NCS1: variants seen among roughly 807,000 people sequenced by gnomAD.
NCS1 encodes frequenin homolog.
Under a neutral mutation model 28.4 loss-of-function variants are expected in NCS1, and 6 were observed. That is an observed-to-expected ratio of 0.21 (90% CI 0.12 to 0.42). The LOEUF is 0.42. Ranked by LOEUF, NCS1 falls within the 10% of genes least tolerant of loss-of-function variation. The pLI is 1.00. For missense variants in NCS1, 131 were observed against 241.4 expected (o/e 0.54, Z 3.03); for synonymous variants, 86 against 99.3 (o/e 0.87, Z 0.79).
At position 130,215,729 on chromosome 9, in the gene NCS1, T is replaced by C. The variant is rs1049225171; in HGVS notation, c.90-2103T>C. ...GCTATTATGGGCTGTTACAAAGGCCTGTGGTTCCTGAGCCAGGACCTACCT... is the reference window on the plus strand; with the variant it reads ...GCTATTATGGGCTGTTACAAAGGCCCGTGGTTCCTGAGCCAGGACCTACCT... On this transcript the variant is annotated intron_variant, in intron 2 of 7. Transcript: ENST00000372398. This position sits in a 1 kb window ranked among gnomAD's most constrained non-coding sequence, Gnocchi z 4.2. Among the ~76,000 whole-genome samples the C allele has an allele frequency of 2.6e-5, 4 of 152,146 alleles. No individual in the cohort carries two copies. The highest frequency in any genetic ancestry group is 9.7e-5 in the African/African-American group (4 of 41,424).
intron 7 of NCS1, among the ~76,000 whole-genome samples, chr9:130,227,584 T>G (rs1034931697): frequency 6.6e-6 from 1 of 152,226 alleles, no homozygotes; most frequent in South Asian, 2.1e-4. Context: ...TCTTTTCAAA[T>G]TTTAGCCATT....
chr9:130,231,195 A>G (rs1554912066), intron 7 of NCS1, among the ~76,000 whole-genome samples: 1 of 151,932 alleles, frequency 6.6e-6, no homozygotes, highest in East Asian at 2.0e-4. Context: ...TACCAAAAAT[A>G]CAAAAATTAG....
rs1554911367 is a variant in NCS1 at position 130,226,346 on chromosome 9, C to T, written c.475-43C>T. 1 of 1,548,326 alleles carries T rather than the reference C, an allele frequency of 6.5e-7. No individual in the cohort carries two copies. Among genetic ancestry groups the T allele is most frequent in the South Asian group, 1.1e-5 (1 of 89,598 alleles). On this transcript the variant is annotated intron_variant, in intron 6 of 7. Coordinates refer to ENST00000372398, the MANE Select transcript of NCS1 (RefSeq NM_014286.4). The surrounding 1 kb of genome is among the most constrained non-coding windows in gnomAD (Gnocchi z 4.8). Reference sequence around the variant, plus strand: ...GGGCTGGGCTTGTCTAGAGCCCTCTCCTGGGAGGCCCTGCACCCTCAGCCG... The same window carrying T: ...GGGCTGGGCTTGTCTAGAGCCCTCTTCTGGGAGGCCCTGCACCCTCAGCCG...
At chr9:130,194,162 C>T (rs968530335) in intron 1 of NCS1, among the ~76,000 whole-genome samples, 1 of 152,230 alleles carries the variant, frequency 6.6e-6, no homozygotes, top group African/African-American at 2.4e-5. Flanking sequence ...CATGTTTGAG[C>T]TGAGCTTCAA....
In NCS1 at chr9:130,219,855, A is replaced by G. The variant is rs782569071; in HGVS notation, c.307+52A>G. ...TGGCAGCAGCTGGAGGGCCCAGGTC[A>G]GAGGGAGGCAGCCCTCGGCCCTCAC... is the stretch of plus-strand genomic sequence containing the variant. On this transcript the variant is annotated intron_variant, in intron 4 of 7. Coordinates refer to ENST00000372398, the MANE Select transcript of NCS1 (RefSeq NM_014286.4). This position sits in a 1 kb window ranked among gnomAD's most constrained non-coding sequence, Gnocchi z 5.7. 63 of 1,578,036 alleles carry G rather than the reference A, an allele frequency of 4.0e-5. No individual in the cohort carries two copies. Among genetic ancestry groups the G allele is most frequent in the Non-Finnish European group, 5.4e-5 (62 of 1,147,964 alleles).
chr9:130,172,845 C>A, intron 1 of NCS1, 118 bp downstream of exon 1: 1 of 443,720 alleles, frequency 2.3e-6, no homozygotes, highest in Non-Finnish European at 3.6e-6. Context: ...GCTCCGTCCT[C>A]CCCGCCCGGC....
At chr9:130,212,720 G>C (rs1039741484) in intron 2 of NCS1, among the ~76,000 whole-genome samples, 16 of 151,630 alleles carry the variant, frequency 1.1e-4, no homozygotes, top group Non-Finnish European at 1.6e-4. Flanking sequence ...CTGCAGGAGT[G>C]GGGGATGGAG....
At chr9:130,200,869 C>T (rs1482980458) in intron 1 of NCS1, 89 bp from the exon 2 acceptor site, 24 of 1,566,940 alleles carry the variant, frequency 1.5e-5, no homozygotes, top group Non-Finnish European at 2.0e-5. Flanking sequence ...GAGGGGAGGG[C>T]TGGAGGGGAG....
At chr9:130,187,551 G>A (rs963259176) in intron 1 of NCS1, among the ~76,000 whole-genome samples, 36 of 152,170 alleles carry the variant, frequency 2.4e-4, no homozygotes, top group African/African-American at 8.7e-4. Flanking sequence ...TGCAGGAGCC[G>A]TTCTGCCCTG....
intron 1 of NCS1, among the ~76,000 whole-genome samples, chr9:130,190,475 A>C (rs562977643): frequency 6.6e-6 from 1 of 152,292 alleles, no homozygotes; most frequent in African/African-American, 2.4e-5. Flanking sequence ...AGGTTAACCG[A>C]CTTGTCCAAT....
chr9:130,179,765 C>T (rs1396785096), intron 1 of NCS1, among the ~76,000 whole-genome samples: 5 of 152,170 alleles, frequency 3.3e-5, no homozygotes, highest in Admixed American at 3.3e-4. Context: ...TCTTTGAATA[C>T]TATGAAATAG....
chr9:130,208,315 G>A (rs1243277948), intron 2 of NCS1, among the ~76,000 whole-genome samples: 1 of 151,688 alleles, frequency 6.6e-6, no homozygotes, highest in African/African-American at 2.4e-5. Flanking sequence ...AGTCTCGCTT[G>A]GTTGCCCAGG....
rs782282908 is a variant in NCS1, at chr9:130,233,396, G to A, written c.*424G>A. ...GACTGACAGATGGGGTGAAGGCCTGGGGACCTCAGAGAACTCTGCCTTGCC... is the reference window on the plus strand; with the variant it reads ...GACTGACAGATGGGGTGAAGGCCTGAGGACCTCAGAGAACTCTGCCTTGCC... On this transcript the variant is annotated 3_prime_UTR_variant, in exon 8 of 8. Transcript: ENST00000372398. This position sits in a 1 kb window ranked among gnomAD's most constrained non-coding sequence, Gnocchi z 4.8. The A allele has an allele frequency of 2.0e-5, 3 of 152,462 alleles. No individual in the cohort carries two copies. Among genetic ancestry groups the A allele is most frequent in the Non-Finnish European group, 2.9e-5 (2 of 68,038 alleles). 9.4% of individuals were successfully genotyped at this position (152,462 alleles called of 1,614,324 possible).
intron 1 of NCS1, among the ~76,000 whole-genome samples, chr9:130,194,435 T>A (rs1231924004): frequency 6.6e-6 from 1 of 151,988 alleles, no homozygotes; most frequent in Non-Finnish European, 1.5e-5. Flanking sequence ...ACCCACTCTC[T>A]GCTCTGAGAC....
intron 1 of NCS1, among the ~76,000 whole-genome samples, chr9:130,187,148 G>A (rs75420702): frequency 0.02 from 3,000 of 152,272 alleles, 88 homozygotes; most frequent in African/African-American, 0.066. Context: ...GGGGAGCAAT[G>A]TGAGGCCACA....
At chr9:130,229,615 C>T (rs573586624) in intron 7 of NCS1, among the ~76,000 whole-genome samples, 106 of 152,188 alleles carry the variant, frequency 7.0e-4, no homozygotes, top group Admixed American at 1.0e-3. Context: ...AATGCTGATC[C>T]GTTGTCTAAT....
chr9:130,220,542 C>T (rs115273859), intron 4 of NCS1, among the ~76,000 whole-genome samples: 11 of 151,966 alleles, frequency 7.2e-5, no homozygotes, highest in African/African-American at 2.2e-4. Flanking sequence ...CCAGGGGGCC[C>T]GCGTGTGCGA....
intron 4 of NCS1, among the ~76,000 whole-genome samples, chr9:130,221,593 G>A (rs1202377092): frequency 6.9e-6 from 1 of 144,478 alleles, no homozygotes; most frequent in African/African-American, 2.5e-5. Flanking sequence ...CACCACACCT[G>A]GCTAATTTTT....
intron 1 of NCS1, among the ~76,000 whole-genome samples, chr9:130,198,826 C>T (rs892616334): frequency 2.6e-4 from 39 of 152,132 alleles, no homozygotes; most frequent in African/African-American, 8.7e-4. Context: ...GAGCTCCTGG[C>T]GGTACTGTGA....
Sources: gnomAD v4.1 joint callset for allele counts (sites outside exome capture counted in the v4.1 genomes callset) on GRCh38, gnomAD v4.1.1 for gene constraint, Gnocchi (gnomAD v3.1) non-coding constraint, MANE v1.5 for transcripts, NCBI Gene and HGNC (gene_info 2026-07-23, HGNC 2026-07-21) for gene names.